The following SORCS3 variants were observed in gnomAD, a reference collection of about 807,000 sequenced individuals.
SORCS3 encodes sortilin related VPS10 domain containing receptor 3.
Under a neutral mutation model 146.3 loss-of-function variants are expected in SORCS3, and 57 were observed. The observed-to-expected ratio is 0.39, with a 90% CI of 0.31 to 0.49. The LOEUF (loss-of-function observed/expected upper bound fraction) is 0.49, where lower values mean the gene tolerates loss of function less well. SORCS3 is among the 20% of genes least tolerant of loss of function. SORCS3 has a pLI of 0.92. For synonymous variants in SORCS3, 653 were observed against 618.5 expected (o/e 1.06, Z -0.83); for missense variants, 1,341 against 1,575.5 (o/e 0.85, Z 2.52).
chr10:105,040,117 C>G (rs1196372568), intron 4 of SORCS3, among the ~76,000 whole-genome samples: 1 of 152,114 alleles, frequency 6.6e-6, no homozygotes, highest in Non-Finnish European at 1.5e-5. Flanking sequence ...CCTCAGGTAC[C>G]TGTCATAGGA....
chr10:104,889,856 A>G (rs1373246912), intron 2 of SORCS3, among the ~76,000 whole-genome samples: 1 of 152,172 alleles, frequency 6.6e-6, no homozygotes, highest in African/African-American at 2.4e-5. Flanking sequence ...AATTCTGCCT[A>G]AAGGACTTCC....
At chr10:105,262,051 A>G (rs1318962335) in intron 25 of SORCS3, among the ~76,000 whole-genome samples, 4 of 152,184 alleles carry the variant, frequency 2.6e-5, no homozygotes, top group African/African-American at 9.7e-5. Context: ...TTATTATCTA[A>G]CTGCCTTTTT....
rs569325154 is a variant in SORCS3 at position 104,875,442 on chromosome 10, A to G, written c.695+32583A>G. The stretch of plus-strand genomic sequence containing the variant: ...AATTTTCTCATCTGCACAATGAGGC[A>G]CAATGATAGGGTCTACTGTGTGAAG... On this transcript the variant is annotated intron_variant, in intron 2 of 26. Coordinates refer to ENST00000369701, the MANE Select transcript of SORCS3 (RefSeq NM_014978.3). Among the ~76,000 whole-genome samples the G allele has an allele frequency of 7.9e-5, 12 of 152,348 alleles. No homozygotes were observed. In the South Asian group the frequency reaches 2.5e-3, roughly 32 times the overall value.
intron 6 of SORCS3, among the ~76,000 whole-genome samples, chr10:105,095,662 G>A (rs1399693624): frequency 6.6e-6 from 1 of 151,498 alleles, no homozygotes; most frequent in Non-Finnish European, 1.5e-5. Context: ...ATCTCCATGG[G>A]AGCCATGTTT....
chr10:104,916,015 G>T, intron 3 of SORCS3, 83 bp downstream of exon 3: 1 of 1,009,528 alleles, frequency 9.9e-7, no homozygotes, highest in East Asian at 2.4e-5. Flanking sequence ...AAAAAACTCA[G>T]TTGTCATTGA....
At position 104,831,870 on chromosome 10, in the gene SORCS3, T is replaced by C. The variant is rs563684765; in HGVS notation, c.628-10922T>C. ...GGTGATGGGGGAGGGGGGTGTGGAA[T>C]AGGGAATCCTGCATTCTCACTCATC... On this transcript the variant is annotated intron_variant, in intron 1 of 26. Coordinates refer to ENST00000369701, the MANE Select transcript of SORCS3 (RefSeq NM_014978.3). 2.0e-5 allele frequency among the ~76,000 whole-genome samples: 3 copies of C among 152,290 alleles called. No homozygotes were observed. In the East Asian group the frequency reaches 5.8e-4, roughly 29 times the overall value.
At chr10:105,171,965 A>G (rs919415574) in intron 13 of SORCS3, among the ~76,000 whole-genome samples, 2 of 152,218 alleles carry the variant, frequency 1.3e-5, no homozygotes, top group Non-Finnish European at 2.9e-5. Context: ...TCACTTTACC[A>G]GAATATCACA....
At chr10:104,738,426 A>C (rs533662059) in intron 1 of SORCS3, among the ~76,000 whole-genome samples, 1 of 152,308 alleles carries the variant, frequency 6.6e-6, no homozygotes, top group African/African-American at 2.4e-5. Context: ...TTGAAGGAGC[A>C]GTTTATGGAT....
intron 4 of SORCS3, among the ~76,000 whole-genome samples, chr10:104,994,132 A>G (rs950572555): frequency 1.3e-5 from 2 of 152,202 alleles, no homozygotes; most frequent in Non-Finnish European, 2.9e-5. Context: ...TTGAGCACTT[A>G]CCATGTACCA....
chr10:105,243,790 T>A (rs1175665736), intron 20 of SORCS3, among the ~76,000 whole-genome samples: 1 of 152,184 alleles, frequency 6.6e-6, no homozygotes, highest in East Asian at 1.9e-4. Flanking sequence ...AACAGAGCTA[T>A]AGAATTTTAA....
intron 5 of SORCS3, among the ~76,000 whole-genome samples, chr10:105,045,312 T>G (rs1469977587): frequency 6.6e-6 from 1 of 152,204 alleles, no homozygotes; most frequent in Admixed American, 6.6e-5. Flanking sequence ...CCCTAGGTCC[T>G]GATAATTGTG....
At chr10:104,660,854 C>T (rs1373926932) in intron 1 of SORCS3, among the ~76,000 whole-genome samples, 8 of 152,168 alleles carry the variant, frequency 5.3e-5, no homozygotes, top group African/African-American at 1.9e-4. Flanking sequence ...TCAAAAAGCT[C>T]CCATGAGAGG....
rs1564773199 is a variant in SORCS3 at position 105,167,322 on chromosome 10, A to T, written c.1874A>T (p.His625Leu). ...DWGGALVAMKHTPLPVRHLWV... is the reference protein window; with the variant it reads ...DWGGALVAMKLTPLPVRHLWV... ...GGTGGTGCCCTCGTGGCCATGAAAC[A>T]CACACCTCTGCCAGTCAGGCATTTG... Residue 625 changes from histidine (H) to leucine (L), a missense_variant, in exon 13 of 27, where the codon CAC (histidine) becomes CTC (leucine). Physicochemically the swap from His to Leu is moderately conservative, Grantham distance 99. Coordinates refer to ENST00000369701, the MANE Select transcript of SORCS3 (RefSeq NM_014978.3). 13 of 1,613,410 alleles carry T rather than the reference A, an allele frequency of 8.1e-6. No individual in the cohort carries two copies. Among genetic ancestry groups the T allele is most frequent in the Non-Finnish European group, 1.1e-5 (13 of 1,179,568 alleles).
At chr10:104,847,673 GCATGAGAGGAAACAGGAAT>G (rs1378497911) in intron 2 of SORCS3, among the ~76,000 whole-genome samples, 1 of 152,160 alleles carries the variant, frequency 6.6e-6, no homozygotes, top group Non-Finnish European at 1.5e-5. Context: ...AGTTGTCTAG[GCATGAGAGGAAACAGGAAT>G]CATTTGCAAA....
At chr10:104,965,980 A>G (rs2054824327) in intron 3 of SORCS3, among the ~76,000 whole-genome samples, 1 of 152,128 alleles carries the variant, frequency 6.6e-6, no homozygotes, top group Non-Finnish European at 1.5e-5. Flanking sequence ...ATAAGCATAC[A>G]TGCATATTGG....
chr10:105,155,184 CATGGTAATGGTA>C (rs536325695), intron 9 of SORCS3, among the ~76,000 whole-genome samples: 1 of 152,160 alleles, frequency 6.6e-6, no homozygotes, highest in African/African-American at 2.4e-5. Flanking sequence ...AGTCGGAAAA[CATGGTAATGGTA>C]ATGGTAATGA....
intron 4 of SORCS3, among the ~76,000 whole-genome samples, chr10:104,982,860 A>G (rs2054939508): frequency 6.6e-6 from 1 of 152,180 alleles, no homozygotes; most frequent in African/African-American, 2.4e-5. Flanking sequence ...AATGTTAGCT[A>G]TGAACTTGTA....
At chr10:105,004,014 T>A (rs1333745582) in intron 4 of SORCS3, among the ~76,000 whole-genome samples, 2 of 151,290 alleles carry the variant, frequency 1.3e-5, no homozygotes, top group Admixed American at 6.6e-5. Context: ...TTTTTTTTTT[T>A]ACCAGAGAAG....
At chr10:104,935,183 A>C (rs1490599819) in intron 3 of SORCS3, among the ~76,000 whole-genome samples, 1 of 152,174 alleles carries the variant, frequency 6.6e-6, no homozygotes, top group South Asian at 2.1e-4. Flanking sequence ...CACCTGTTCA[A>C]CTGAGGCTAA....
Sources: gnomAD v4.1 joint callset for allele counts (sites outside exome capture counted in the v4.1 genomes callset) on GRCh38, gnomAD v4.1.1 for gene constraint, MANE v1.5 for transcripts, NCBI Gene and HGNC (gene_info 2026-07-23, HGNC 2026-07-21) for gene names.